Variants in ATP2A2 observed in about 807,000 individuals in gnomAD.
The protein encoded by ATP2A2 is ATPase sarcoplasmic/endoplasmic reticulum Ca2+ transporting 2, also known as sarcoplasmic/endoplasmic reticulum calcium ATPase 2.
Under a neutral mutation model 109.3 loss-of-function variants are expected in ATP2A2, and 14 were observed. The observed-to-expected ratio is 0.13, with a 90% confidence interval of 0.08 to 0.20. The LOEUF (loss-of-function observed/expected upper bound fraction) is 0.20. Ranked by LOEUF, ATP2A2 falls within the 10% of genes least tolerant of loss-of-function variation. The pLI is 1.00. For synonymous variants in ATP2A2, 506 were observed against 490.9 expected, an observed-to-expected ratio of 1.03 and a Z score of -0.41; for missense variants, 657 against 1,321.6, an observed-to-expected ratio of 0.50 and a Z score of 7.80.
Position 110,349,733 on chromosome 12 carries a change from CA to C in ATP2A2, c.*3264del, listed in dbSNP as rs1272679201. 17 of 1,012,518 alleles carry C rather than the reference CA, an allele frequency of 1.7e-5. No individual in the cohort carries two copies. The highest frequency in any genetic ancestry group is 1.5e-4 in the African/African-American group (9 of 58,112). The allele number at this position is 1,012,518 out of a possible 1,614,324, so 62.7% of individuals were successfully genotyped here. A position where few individuals can be genotyped will look rare whatever the true frequency, so the allele number is the denominator to read the frequency against. On this transcript the variant is annotated 3_prime_UTR_variant, in exon 20 of 20. Coordinates refer to ENST00000539276, the MANE Select transcript of ATP2A2 (RefSeq NM_170665.4). ...CGTCTGCAGTGCCTGTGAGCAGAGC[CA>C]GCAGTTGCCCTGTGACTGTAACCAC...
intron 10 of ATP2A2, 48 bp downstream of exon 10, chr12:110,333,331 G>A (rs1431746617): frequency 6.6e-7 from 1 of 1,503,834 alleles, no homozygotes; most frequent in East Asian, 2.3e-5. Flanking sequence ...TAGTTCAAGG[G>A]TGGGGTGGGT....
At chr12:110,345,563 G>A in intron 18 of ATP2A2, 181 bp downstream of exon 18, 1 of 969,258 alleles carries the variant, frequency 1.0e-6, no homozygotes, top group Non-Finnish European at 1.6e-6. Context: ...AGTAGTGGGA[G>A]TGCTTAGCCC....
In ATP2A2 at chr12:110,346,772, AT is replaced by A; in HGVS notation, c.*303del. On this transcript the variant is annotated 3_prime_UTR_variant, in exon 20 of 20. Transcript: ENST00000539276. The stretch of plus-strand genomic sequence containing the variant: ...TAATACTCATCCTTGTATAAAAAAA[AT>A]AGTTGAGCCAGCAGACATTGTCAGC... 1 of 1,188,402 alleles carries A rather than the reference AT, an allele frequency of 8.4e-7. No individual in the cohort carries two copies. The highest frequency in any genetic ancestry group is 1.0e-6 in the Non-Finnish European group (1 of 955,034). The allele number at this position is 1,188,402 out of a possible 1,614,324, so 73.6% of individuals were successfully genotyped here.
Position 110,339,377 on chromosome 12 carries a change from A to G in ATP2A2, c.1516A>G (p.Thr506Ala), listed in dbSNP as rs746072364. Residue 506 changes from threonine to alanine, a missense_variant, in exon 12 of 20, where the codon ACA (threonine) becomes GCA (alanine). By Grantham distance (58) the Thr-to-Ala change is moderately conservative. Coordinates refer to ENST00000539276, the MANE Select transcript of ATP2A2 (RefSeq NM_170665.4). This position sits in a 1 kb window ranked among gnomAD's most constrained non-coding sequence, Gnocchi z 4.4. ...VYCTPNKPSRTSMSKMFVKGA... is the reference protein window; with the variant it reads ...VYCTPNKPSRASMSKMFVKGA... ...CTGTACACCAAATAAACCAAGCAGG[A>G]CATCAATGAGCAAGATGTTTGTGAA... 2 of 1,614,220 alleles carry G rather than the reference A, an allele frequency of 1.2e-6. No individual in the cohort carries two copies. The highest frequency in any genetic ancestry group is 2.7e-5 in the African/African-American group (2 of 75,064).
rs1459126396 is a variant in ATP2A2, at chr12:110,342,720, C to G, written c.2318+272C>G. Among the ~76,000 whole-genome samples the G allele has an allele frequency of 6.6e-6, 1 of 152,056 alleles. No individual in the cohort carries two copies. Among genetic ancestry groups the G allele is most frequent in the Non-Finnish European group, 1.5e-5 (1 of 67,990 alleles). ...GGTAGTCACATGAAATTCTTGCCCT[C>G]CAAAAGTTGGCTTTATCTCAGTCAG... On this transcript the variant is annotated intron_variant, in intron 15 of 19. Transcript: ENST00000539276. This position sits in a 1 kb window ranked among gnomAD's most constrained non-coding sequence, Gnocchi z 4.6.
Position 110,334,000 on chromosome 12 carries a change from T to C in ATP2A2, c.1288-12T>C, listed in dbSNP as rs1412691910. On this transcript the variant is annotated splice_polypyrimidine_tract_variant and intron_variant, in intron 10 of 19. Transcript: ENST00000539276. Reference sequence around the variant, plus strand: ...CCCTTTTTTCTACTTTCTGTGCCTTTAACCAATACAGGCAAAGGGTGTGTA... The same window carrying C: ...CCCTTTTTTCTACTTTCTGTGCCTTCAACCAATACAGGCAAAGGGTGTGTA... 13 of 1,613,992 alleles carry C rather than the reference T, an allele frequency of 8.1e-6. No homozygotes were observed. Among genetic ancestry groups the C allele is most frequent in the Non-Finnish European group, 1.0e-5 (12 of 1,180,030 alleles).
chr12:110,294,094 A>G (rs1278860225), intron 4 of ATP2A2, among the ~76,000 whole-genome samples: 1 of 151,374 alleles, frequency 6.6e-6, no homozygotes, highest in Non-Finnish European at 1.5e-5. Context: ...CCCAGGCTGG[A>G]GTGCAGTGGC....
Position 110,349,256 on chromosome 12 carries a change from T to C in ATP2A2, c.*2786T>C. ...CAGCACCGTGGTCTTGGCACATCCC[T>C]GGCCTCAGGCCCTCACCTAACAGTG... is the stretch of plus-strand genomic sequence containing the variant. On this transcript the variant is annotated 3_prime_UTR_variant, in exon 20 of 20. Transcript: ENST00000539276. 2 of 985,554 alleles carry C rather than the reference T, an allele frequency of 2.0e-6. No individual in the cohort carries two copies. The highest frequency in any genetic ancestry group is 2.3e-4 in the East Asian group (2 of 8,810). 61.1% of individuals were successfully genotyped at this position (985,554 alleles called of 1,614,324 possible).
intron 11 of ATP2A2, among the ~76,000 whole-genome samples, chr12:110,338,114 G>A (rs1368068621): frequency 6.6e-6 from 1 of 152,158 alleles, no homozygotes; most frequent in African/African-American, 2.4e-5. Context: ...CTTTGTAGCT[G>A]GGTCTTTCAC....
chr12:110,321,676 C>A (rs1379770771), intron 5 of ATP2A2, among the ~76,000 whole-genome samples: 1 of 152,170 alleles, frequency 6.6e-6, no homozygotes, highest in African/African-American at 2.4e-5. Flanking sequence ...TTCGAGTGAT[C>A]CTCCCGCCTC....
rs1446107135 is a variant in ATP2A2 at position 110,327,201 on chromosome 12, A to G, written c.631-352A>G. On this transcript the variant is annotated intron_variant, in intron 7 of 19. Coordinates refer to ENST00000539276, the MANE Select transcript of ATP2A2 (RefSeq NM_170665.4). This position sits in a 1 kb window ranked among gnomAD's most constrained non-coding sequence, Gnocchi z 4.4. ...AGTTGCCGTTTCTATTACAGTGAGA[A>G]AAGTAGGGGCCTTGAGTTGTTGGAG... is the stretch of plus-strand genomic sequence containing the variant. 6.6e-6 allele frequency among the ~76,000 whole-genome samples: 1 copy of G among 152,160 alleles called. No individual in the cohort carries two copies. Among genetic ancestry groups the G allele is most frequent in the Non-Finnish European group, 1.5e-5 (1 of 68,030 alleles).
In ATP2A2 at chr12:110,350,934, T is replaced by C. The variant is rs1880335748; in HGVS notation, c.*4464T>C. The C allele has an allele frequency of 6.5e-6, 1 of 153,540 alleles. No individual in the cohort carries two copies. Among genetic ancestry groups the C allele is most frequent in the Non-Finnish European group, 1.5e-5 (1 of 68,926 alleles). 9.5% of individuals were successfully genotyped at this position (153,540 alleles called of 1,614,324 possible). On this transcript the variant is annotated 3_prime_UTR_variant, in exon 20 of 20. Coordinates refer to ENST00000539276, the MANE Select transcript of ATP2A2 (RefSeq NM_170665.4). ...GACAGATGTTGGTGCAATACAAATA[T>C]TGTGATGCATTTATCTTAATAAAAT...
chr12:110,311,547 G>T (rs1876034939), intron 5 of ATP2A2, among the ~76,000 whole-genome samples: 1 of 126,742 alleles, frequency 7.9e-6, no homozygotes, highest in South Asian at 2.7e-4. Flanking sequence ...AGTGAGCCAA[G>T]ATCGCGCCAC....
chr12:110,339,222 T>C lies in ATP2A2; in HGVS notation c.1420-59T>C. 1.2e-6 allele frequency: 2 copies of C among 1,606,862 alleles called. No individual in the cohort carries two copies. Among genetic ancestry groups the C allele is most frequent in the Non-Finnish European group, 1.7e-6 (2 of 1,175,196 alleles). On this transcript the variant is annotated intron_variant, in intron 11 of 19. Coordinates refer to ENST00000539276, the MANE Select transcript of ATP2A2 (RefSeq NM_170665.4). The surrounding 1 kb of genome is among the most constrained non-coding windows in gnomAD (Gnocchi z 4.4). ...ATGTAATAGGTGTGCTTACTGCTTG[T>C]TAGGTAAAAAAGTTCAGAAATTGCC...
rs1443507525 is a variant in ATP2A2 at position 110,340,396 on chromosome 12, G to T, written c.1762-263G>T. On this transcript the variant is annotated intron_variant, in intron 13 of 19. Coordinates refer to ENST00000539276, the MANE Select transcript of ATP2A2 (RefSeq NM_170665.4). This position sits in a 1 kb window ranked among gnomAD's most constrained non-coding sequence, Gnocchi z 6.0. ...TCTACTAAAAATACAAAATTAGCCA[G>T]GTGTGGTGGCGCATACCTGTAGTCC... is the stretch of plus-strand genomic sequence containing the variant. Among the ~76,000 whole-genome samples, 1 of 152,058 alleles carries T rather than the reference G, an allele frequency of 6.6e-6. No homozygotes were observed.
intron 10 of ATP2A2, 114 bp downstream of exon 10, chr12:110,333,397 T>C: frequency 1.0e-6 from 1 of 998,850 alleles, no homozygotes; most frequent in East Asian, 2.4e-5. Flanking sequence ...TGCCTGATTT[T>C]GTTTCCCCCT....
At chr12:110,336,077 A>G (rs1358623208) in intron 11 of ATP2A2, among the ~76,000 whole-genome samples, 1 of 152,208 alleles carries the variant, frequency 6.6e-6, no homozygotes, top group Admixed American at 6.5e-5. Flanking sequence ...ACTGTCTCCT[A>G]GCTGTGGAGC....
intron 4 of ATP2A2, among the ~76,000 whole-genome samples, chr12:110,293,461 C>A (rs1269098731): frequency 6.9e-6 from 1 of 144,300 alleles, no homozygotes. Flanking sequence ...ATGGTGCAGT[C>A]TTGGCTCACT....
chr12:110,323,291 TCTC>T (rs935821348), intron 6 of ATP2A2, among the ~76,000 whole-genome samples: 9 of 152,284 alleles, frequency 5.9e-5, no homozygotes, highest in African/African-American at 1.7e-4. Flanking sequence ...TTCAGGCAGT[TCTC>T]CTGTCTCAGC....
Sources: allele counts gnomAD v4.1 joint callset (sites outside exome capture counted in the v4.1 genomes callset), GRCh38; gene constraint gnomAD v4.1.1; non-coding constraint Gnocchi (gnomAD v3.1); transcripts MANE v1.5; gene names NCBI Gene and HGNC (gene_info 2026-07-23, HGNC 2026-07-21).